Variants in CCDC149 observed in about 807,000 individuals in gnomAD.
The protein encoded by CCDC149 is coiled-coil domain containing 149, also known as coiled-coil domain-containing protein 149.
CCDC149 carries 45 observed loss-of-function variants against 59.9 expected under a neutral mutation model. That is an observed-to-expected ratio of 0.75 (90% CI 0.59 to 0.96). The LOEUF is 0.96. CCDC149 is among the 40% of genes least tolerant of loss of function. The pLI is 0.00. For synonymous variants in CCDC149, 245 were observed against 260.6 expected (o/e 0.94, Z 0.58); for missense variants, 584 against 664.7 (o/e 0.88, Z 1.33).
intron 4 of CCDC149, among the ~76,000 whole-genome samples, chr4:24,847,316 T>C (rs1182687338): frequency 6.6e-6 from 1 of 152,252 alleles, no homozygotes; most frequent in Non-Finnish European, 1.5e-5. Flanking sequence ...CTAGGTGGTA[T>C]GCACCATGCA....
chr4:24,856,744 C>T (rs1197541048), intron 3 of CCDC149, among the ~76,000 whole-genome samples: 2 of 152,360 alleles, frequency 1.3e-5, no homozygotes, highest in East Asian at 3.9e-4. Context: ...AGCTCTCCTT[C>T]CTTAGCTCAA....
chr4:24,901,811 G>A (rs1481350191), intron 1 of CCDC149, among the ~76,000 whole-genome samples: 1 of 152,028 alleles, frequency 6.6e-6, no homozygotes, highest in Non-Finnish European at 1.5e-5. Flanking sequence ...ATGCAGCAAG[G>A]GCCATCTTGG....
At chr4:24,832,293 G>C (rs1411034928) in intron 8 of CCDC149, among the ~76,000 whole-genome samples, 3 of 152,114 alleles carry the variant, frequency 2.0e-5, no homozygotes, top group Non-Finnish European at 2.9e-5. Flanking sequence ...CTTTAAAATC[G>C]ACTTAAAGAA....
intron 1 of CCDC149, among the ~76,000 whole-genome samples, chr4:24,923,944 C>G (rs1299987094): frequency 6.6e-6 from 1 of 152,184 alleles, no homozygotes; most frequent in Non-Finnish European, 1.5e-5. Flanking sequence ...CTCTCTTCAC[C>G]TCGGATACTG....
intron 9 of CCDC149, chr4:24,827,744 G>T (rs141195211): frequency 2.0e-5 from 3 of 152,150 alleles, no homozygotes; most frequent in African/African-American, 7.2e-5. Context: ...TCAATTCTTC[G>T]AGATGGCTTC....
At chr4:24,958,040 T>C (rs1466593334) in intron 1 of CCDC149, among the ~76,000 whole-genome samples, 3 of 152,220 alleles carry the variant, frequency 2.0e-5, no homozygotes, top group Non-Finnish European at 2.9e-5. Flanking sequence ...AGGAAATGTC[T>C]GTCCTTGGTC....
intron 4 of CCDC149, among the ~76,000 whole-genome samples, chr4:24,851,031 C>T (rs1717623627): frequency 6.6e-6 from 1 of 152,072 alleles, no homozygotes; most frequent in Non-Finnish European, 1.5e-5. Context: ...AGAACATCTT[C>T]CCCTGCCCCT....
At chr4:24,828,087 T>C (rs1236546495) in intron 9 of CCDC149, 1 of 152,094 alleles carries the variant, frequency 6.6e-6, no homozygotes, top group Non-Finnish European at 1.5e-5. Flanking sequence ...TTTCTTTACA[T>C]GCCCCCAAAT....
intron 1 of CCDC149, among the ~76,000 whole-genome samples, chr4:24,977,344 A>G (rs542943768): frequency 1.3e-5 from 2 of 152,334 alleles, no homozygotes; most frequent in South Asian, 2.1e-4. Context: ...TACTAAGCAC[A>G]GACAAAAGCA....
chr4:24,913,994 G>A (rs1577482480), upstream of CCDC149, among the ~76,000 whole-genome samples: 5 of 152,330 alleles, frequency 3.3e-5, no homozygotes, highest in Admixed American at 6.5e-5. Context: ...TGTGTGTGGA[G>A]ATGAGCAAGT....
chr4:24,955,398 T>C (rs1723436563), intron 1 of CCDC149, among the ~76,000 whole-genome samples: 1 of 152,282 alleles, frequency 6.6e-6, no homozygotes, highest in East Asian at 1.9e-4. Flanking sequence ...CTTAATACTA[T>C]CACATTGACA....
At chr4:24,804,574 T>C (rs894728025), downstream of CCDC149, among the ~76,000 whole-genome samples, 1 of 151,942 alleles carries the variant, frequency 6.6e-6, no homozygotes, top group African/African-American at 2.4e-5. Context: ...GGCACCCCAT[T>C]TTTTTGGAGT....
At chr4:24,869,992 T>C (rs1428308766) in intron 3 of CCDC149, among the ~76,000 whole-genome samples, 1 of 152,194 alleles carries the variant, frequency 6.6e-6, no homozygotes, top group African/African-American at 2.4e-5. Context: ...GGAGGACTTA[T>C]TTTCCATGGC....
intron 2 of CCDC149, among the ~76,000 whole-genome samples, chr4:24,874,244 G>GTTGTTTTTTTTTTTTTTTT (rs1719241446): frequency 1.1e-5 from 1 of 87,488 alleles, no homozygotes; most frequent in African/African-American, 5.8e-5. Context: ...TATTAGATTT[G>GTTGTTTTTTTTTTTTTTTT]TTTTTTTTTT....
At chr4:24,962,586 A>T (rs931600452) in intron 1 of CCDC149, among the ~76,000 whole-genome samples, 33 of 152,312 alleles carry the variant, frequency 2.2e-4, no homozygotes, top group African/African-American at 7.9e-4. Flanking sequence ...CTTTGTAGGG[A>T]CATGGATGAA....
chr4:24,961,954 A>G (rs1046568661), intron 1 of CCDC149, among the ~76,000 whole-genome samples: 12 of 151,842 alleles, frequency 7.9e-5, no homozygotes, highest in Non-Finnish European at 1.3e-4. Flanking sequence ...GCCAAAATTG[A>G]CAAATGGGAT....
chr4:24,941,333 G>A (rs1342539240), intron 1 of CCDC149, among the ~76,000 whole-genome samples: 1 of 152,180 alleles, frequency 6.6e-6, no homozygotes, highest in African/African-American at 2.4e-5. Flanking sequence ...AAATAAAGAT[G>A]TTCTTTGAAA....
At chr4:24,823,443 C>T (rs887019045) in intron 9 of CCDC149, among the ~76,000 whole-genome samples, 1 of 152,200 alleles carries the variant, frequency 6.6e-6, no homozygotes, top group African/African-American at 2.4e-5. Flanking sequence ...TCCTCTAAAA[C>T]TTGAATCACT....
intron 1 of CCDC149, among the ~76,000 whole-genome samples, chr4:24,935,018 T>G (rs1426441235): frequency 6.6e-6 from 1 of 152,200 alleles, no homozygotes; most frequent in Non-Finnish European, 1.5e-5. Context: ...TCCCACTGGC[T>G]TCCATGTAGA....
Sources: gnomAD v4.1 joint callset for allele counts (sites outside exome capture counted in the v4.1 genomes callset) on GRCh38, gnomAD v4.1.1 for gene constraint, MANE v1.5 for transcripts, NCBI Gene and HGNC (gene_info 2026-07-23, HGNC 2026-07-21) for gene names.